AUTS2: variants seen among roughly 807,000 people sequenced by gnomAD.
AUTS2 encodes the protein activator of transcription and developmental regulator AUTS2, also known as autism susceptibility gene 2 protein.
AUTS2 carries 17 observed loss-of-function variants against 112.4 expected under a neutral mutation model. The observed-to-expected ratio is 0.15, with a 90% CI of 0.10 to 0.23. The LOEUF (loss-of-function observed/expected upper bound fraction) is 0.23, where lower values mean the gene tolerates loss of function less well. AUTS2 is among the 10% of genes least tolerant of loss of function. The pLI, the probability that AUTS2 is intolerant of heterozygous loss-of-function variation, is 1.00. For missense variants in AUTS2, 1,510 were observed against 1,701.6 expected (o/e 0.89, Z 1.98); for synonymous variants, 751 against 702.7 (o/e 1.07, Z -1.09).
At chr7:70,386,672 TG>T (rs1793623310) in intron 4 of AUTS2, among the ~76,000 whole-genome samples, 2 of 152,216 alleles carry the variant, frequency 1.3e-5, no homozygotes, top group Admixed American at 1.3e-4. Flanking sequence ...AATATTCCAT[TG>T]GGGGTTGCTG....
At chr7:70,608,697 A>C (rs1332213228) in intron 5 of AUTS2, among the ~76,000 whole-genome samples, 1 of 152,196 alleles carries the variant, frequency 6.6e-6, no homozygotes, top group African/African-American at 2.4e-5. Flanking sequence ...CATGGGTCCC[A>C]GTGATGATAT....
At chr7:70,103,604 T>C (rs534885205) in intron 2 of AUTS2, among the ~76,000 whole-genome samples, 38 of 152,244 alleles carry the variant, frequency 2.5e-4, no homozygotes, top group Admixed American at 2.4e-3. Context: ...TGTACAATTA[T>C]TAGAAAATTG....
chr7:70,205,838 G>A (rs1810546388), intron 4 of AUTS2, among the ~76,000 whole-genome samples: 2 of 152,198 alleles, frequency 1.3e-5, no homozygotes, highest in Admixed American at 1.3e-4. Context: ...TTACAGAGTG[G>A]TACCAACATG....
chr7:69,969,367 G>A (rs1797755407), intron 2 of AUTS2, among the ~76,000 whole-genome samples: 1 of 152,106 alleles, frequency 6.6e-6, no homozygotes, highest in Admixed American at 6.5e-5. Flanking sequence ...ATATGGCAAG[G>A]CACAAGTGTA....
At chr7:70,239,124 A>G (rs1478556434) in intron 4 of AUTS2, among the ~76,000 whole-genome samples, 1 of 152,108 alleles carries the variant, frequency 6.6e-6, no homozygotes, top group Non-Finnish European at 1.5e-5. Flanking sequence ...ATTTATCCCT[A>G]AACAATCAGA....
At chr7:70,016,396 A>G (rs561434575) in intron 2 of AUTS2, among the ~76,000 whole-genome samples, 1 of 151,728 alleles carries the variant, frequency 6.6e-6, no homozygotes, top group African/African-American at 2.4e-5. Flanking sequence ...TCCTGACTTC[A>G]CCACCAGGAT....
chr7:69,788,789 T>C (rs190113292), intron 1 of AUTS2, among the ~76,000 whole-genome samples: 3 of 151,490 alleles, frequency 2.0e-5, no homozygotes, highest in Admixed American at 6.6e-5. Flanking sequence ...AAAAAGACAC[T>C]TCTATGCCCC....
intron 5 of AUTS2, among the ~76,000 whole-genome samples, chr7:70,680,803 C>A (rs1200929811): frequency 6.6e-6 from 1 of 152,224 alleles, no homozygotes; most frequent in Non-Finnish European, 1.5e-5. Flanking sequence ...GCCTCCTCTT[C>A]TTCCAGAAAA....
chr7:70,151,529 A>G (rs1199016053), intron 4 of AUTS2, among the ~76,000 whole-genome samples: 1 of 152,166 alleles, frequency 6.6e-6, no homozygotes. Context: ...GCTGGAGTGC[A>G]ATGGTACTAT....
intron 1 of AUTS2, among the ~76,000 whole-genome samples, chr7:69,875,308 G>A (rs1562942858): frequency 1.3e-5 from 2 of 152,148 alleles, no homozygotes; most frequent in East Asian, 3.9e-4. Context: ...TATCTAAATG[G>A]TACTAGTTTG....
At chr7:70,245,137 T>A (rs1562816966) in intron 4 of AUTS2, among the ~76,000 whole-genome samples, 2 of 65,950 alleles carry the variant, frequency 3.0e-5, no homozygotes, top group Admixed American at 1.8e-4. Context: ...AAAAAAAGTG[T>A]GTGTGTGTAT....
chr7:70,605,453 T>C (rs539961519), intron 5 of AUTS2, among the ~76,000 whole-genome samples: 2 of 152,238 alleles, frequency 1.3e-5, no homozygotes, highest in South Asian at 4.1e-4. Flanking sequence ...AACTCACGTT[T>C]ACTACCAGGT....
chr7:70,721,699 T>C (rs968509515), intron 6 of AUTS2, among the ~76,000 whole-genome samples: 8 of 152,212 alleles, frequency 5.3e-5, no homozygotes, highest in African/African-American at 1.9e-4. Flanking sequence ...CCTGAGTCTA[T>C]TGGACCGTAG....
chr7:70,616,759 T>TG (rs1273854920), intron 5 of AUTS2, among the ~76,000 whole-genome samples: 2 of 151,384 alleles, frequency 1.3e-5, no homozygotes, highest in Non-Finnish European at 3.0e-5. Flanking sequence ...AATAGTTTTT[T>TG]TTTTTTTTTT....
chr7:70,060,448 G>A (rs761103165), intron 2 of AUTS2, among the ~76,000 whole-genome samples: 3 of 152,178 alleles, frequency 2.0e-5, no homozygotes, highest in Non-Finnish European at 4.4e-5. Context: ...TCCTGTGGGC[G>A]GGGCTGGCAA....
intron 1 of AUTS2, among the ~76,000 whole-genome samples, chr7:69,678,837 TG>T (rs1427296877): frequency 6.6e-6 from 1 of 152,230 alleles, no homozygotes; most frequent in Non-Finnish European, 1.5e-5. Context: ...ACTTGCCCAC[TG>T]TATTATATTT....
chr7:70,372,387 A>T, intron 4 of AUTS2, among the ~76,000 whole-genome samples: 1 of 152,226 alleles, frequency 6.6e-6, no homozygotes, highest in Non-Finnish European at 1.5e-5. Flanking sequence ...ACTGCTAAAA[A>T]GATGTGCAGT....
chr7:70,440,966 T>G (rs1009826914), intron 5 of AUTS2, among the ~76,000 whole-genome samples: 2 of 152,314 alleles, frequency 1.3e-5, no homozygotes, highest in Admixed American at 6.5e-5. Context: ...TGCCTTATAG[T>G]AAATGTCAAA....
intron 4 of AUTS2, among the ~76,000 whole-genome samples, chr7:70,360,452 T>G (rs576182270): frequency 5.9e-5 from 9 of 152,300 alleles, no homozygotes; most frequent in Admixed American, 5.9e-4. Flanking sequence ...AGCAAGTATC[T>G]TTAAATGGGT....
Sources: allele counts gnomAD v4.1 joint callset (sites outside exome capture counted in the v4.1 genomes callset), GRCh38; gene constraint gnomAD v4.1.1; transcripts MANE v1.5; gene names NCBI Gene and HGNC (gene_info 2026-07-23, HGNC 2026-07-21).